The following MADCAM1 variants were observed in gnomAD, a reference collection of about 807,000 sequenced individuals.
MADCAM1 encodes mucosal vascular addressin cell adhesion molecule 1.
In MADCAM1, 19 loss-of-function variants were observed where a neutral mutation model predicts 26.1. That is an observed-to-expected ratio of 0.73 (90% CI 0.51 to 1.07). MADCAM1 has a LOEUF of 1.07. MADCAM1 is among the 50% of genes least tolerant of loss of function. The pLI is 0.00. For missense variants in MADCAM1, 514 were observed against 542.1 expected, an observed-to-expected ratio of 0.95 and a Z score of 0.51; for synonymous variants, 268 against 260.9, an observed-to-expected ratio of 1.03 and a Z score of -0.26.
chr19:499,711 C>G, intron 3 of MADCAM1: 4 of 424,698 alleles, frequency 9.4e-6, no homozygotes, highest in South Asian at 6.7e-5. Context: ...ACGGCTGTGT[C>G]CACAGAAGCT....
chr19:497,825 C>A lies in MADCAM1; in HGVS notation c.53-8C>A. On this transcript the variant is annotated splice_polypyrimidine_tract_variant and splice_region_variant and intron_variant, in intron 1 of 4. Coordinates refer to ENST00000215637, the MANE Select transcript of MADCAM1 (RefSeq NM_130760.3). ...CGCGGGGCTGAGCGAGAGCCGCGGT[C>A]GCCGCAGGCCAGTCCCTCCAGGTGA... 2 of 1,271,024 alleles carry A rather than the reference C, an allele frequency of 1.6e-6. No homozygotes were observed. Among genetic ancestry groups the A allele is most frequent in the South Asian group, 5.5e-5 (2 of 36,428 alleles). 78.7% of individuals were successfully genotyped at this position (1,271,024 alleles called of 1,614,324 possible).
chr19:500,524 G>A (rs1356232111), intron 3 of MADCAM1, among the ~76,000 whole-genome samples: 1 of 152,110 alleles, frequency 6.6e-6, no homozygotes, highest in African/African-American at 2.4e-5. Context: ...GAGGTCAGGA[G>A]TTCAAGACCA....
At position 496,527 on chromosome 19, in the gene MADCAM1, G is replaced by A. The variant is rs767023684; in HGVS notation, c.28G>A (p.Ala10Thr). 1 of 1,308,524 alleles carries A rather than the reference G, an allele frequency of 7.6e-7. No homozygotes were observed. Among genetic ancestry groups the A allele is most frequent in the Admixed American group, 3.1e-5 (1 of 32,204 alleles). 81.1% of individuals were successfully genotyped at this position (1,308,524 alleles called of 1,614,324 possible). A position where few individuals can be genotyped will look rare whatever the true frequency, so the allele number is the denominator to read the frequency against. The change falls in exon 1 of 5, where the codon GCG becomes ACG. Residue 10 changes from alanine (A) to threonine (T), a missense_variant. Transcript: ENST00000215637. ...GGATTTCGGACTGGCCCTCCTGCTG[G>A]CGGGGCTTCTGGGGCTCCTCCTCGG... is the stretch of plus-strand genomic sequence containing the variant. MDFGLALLL[A>T]GLLGLLLGQS...
chr19:503,986 C>T lies in MADCAM1; in HGVS notation c.929-759C>T, dbSNP rs147933428. Among the ~76,000 whole-genome samples the T allele has an allele frequency of 6.9e-3, 1,033 of 150,112 alleles. 11 individuals carry two copies. Among genetic ancestry groups the T allele is most frequent in the African/African-American group, 0.024 (961 of 40,798 alleles). ...AGGAGAATCACTTGAACCCGGGAGG[C>T]GGAAGTGGCAGTGAGCTAAGATCAC... On this transcript the variant is annotated intron_variant, in intron 4 of 4. Coordinates refer to ENST00000215637, the MANE Select transcript of MADCAM1 (RefSeq NM_130760.3).
intron 4 of MADCAM1, among the ~76,000 whole-genome samples, chr19:502,492 C>T (rs938233145): frequency 2.6e-5 from 4 of 151,836 alleles, no homozygotes; most frequent in South Asian, 2.1e-4. Flanking sequence ...AGTAGAGATG[C>T]GGTTTCACCA....
chr19:497,251 G>T (rs1357568675), intron 1 of MADCAM1, among the ~76,000 whole-genome samples: 1 of 35,922 alleles, frequency 2.8e-5, no homozygotes. Context: ...CGCGGGAGAG[G>T]GGAGGGGGTT....
At chr19:500,205 G>A (rs778555150) in intron 3 of MADCAM1, 12 of 456,196 alleles carry the variant, frequency 2.6e-5, no homozygotes, top group South Asian at 3.1e-5. Flanking sequence ...GGACCCACTC[G>A]CTCTCAGGGC....
chr19:499,829 T>C, intron 3 of MADCAM1: 2 of 456,426 alleles, frequency 4.4e-6, no homozygotes, highest in South Asian at 1.5e-5. Context: ...TCACGCTCTG[T>C]CCAATCCCGA....
At chr19:498,368 T>C in intron 2 of MADCAM1, 128 bp from the exon 3 acceptor site, 1 of 1,059,450 alleles carries the variant, frequency 9.4e-7, no homozygotes, top group Non-Finnish European at 1.2e-6. Context: ...AGGCCGTCCC[T>C]ACTGCCTGTT....
In MADCAM1 at chr19:498,833, C is replaced by G. The variant is rs185702232; in HGVS notation, c.667+8C>G. Reference sequence around the variant, plus strand: ...ACCGCCAGGCCATCCCCGGTGAGTCCGCTGGGTGCCCTGGAGACCCACCCG... The same window carrying G: ...ACCGCCAGGCCATCCCCGGTGAGTCGGCTGGGTGCCCTGGAGACCCACCCG... On this transcript the variant is annotated splice_region_variant and intron_variant, in intron 3 of 4. Transcript: ENST00000215637. 1.6e-6 allele frequency: 2 copies of G among 1,257,284 alleles called. No homozygotes were observed. The highest frequency in any genetic ancestry group is 3.3e-5 in the African/African-American group (2 of 60,020). The allele number at this position is 1,257,284 out of a possible 1,614,324, so 77.9% of individuals were successfully genotyped here. A position where few individuals can be genotyped will look rare whatever the true frequency, so the allele number is the denominator to read the frequency against.
In MADCAM1 at chr19:497,951, G is replaced by C; in HGVS notation, c.171G>C (p.Ser57=). 6.9e-7 allele frequency: 1 copy of C among 1,440,998 alleles called. No homozygotes were observed. The highest frequency in any genetic ancestry group is 9.1e-7 in the Non-Finnish European group (1 of 1,102,966). The allele number at this position is 1,440,998 out of a possible 1,614,324, so 89.3% of individuals were successfully genotyped here. ...TGGCCTGCGCGGACCGCGGGGCCTCGGTGCAGTGGCGGGGCCTGGACACCA... is the reference window on the plus strand; with the variant it reads ...TGGCCTGCGCGGACCGCGGGGCCTCCGTGCAGTGGCGGGGCCTGGACACCA... The part of the protein sequence containing the change: ...CRLACADRGA[S]VQWRGLDTSL... Residue 57 remains serine (S), a synonymous_variant, in exon 2 of 5, where the codon TCG becomes TCC. Transcript: ENST00000215637.
chr19:501,541 C>A, intron 3 of MADCAM1, 128 bp from the exon 4 acceptor site: 2 of 523,434 alleles, frequency 3.8e-6, no homozygotes, highest in Non-Finnish European at 6.3e-6. Context: ...TGTGACTCAC[C>A]AGAGTGGTCC....
intron 3 of MADCAM1, chr19:499,411 C>G (rs1419663658): frequency 4.5e-6 from 2 of 448,578 alleles, no homozygotes; most frequent in Non-Finnish European, 9.0e-6. Flanking sequence ...CAAGCACACA[C>G]ATGTACAAAC....
intron 3 of MADCAM1, among the ~76,000 whole-genome samples, chr19:501,372 C>T (rs1050768356): frequency 4.6e-5 from 7 of 150,836 alleles, no homozygotes; most frequent in Non-Finnish European, 1.0e-4. Flanking sequence ...GTGATCCCAG[C>T]TACTCCAGAG....
chr19:503,537 C>T (rs1242351861), intron 4 of MADCAM1, among the ~76,000 whole-genome samples: 1 of 148,636 alleles, frequency 6.7e-6, no homozygotes, highest in East Asian at 2.0e-4. Flanking sequence ...GCCGAGATCG[C>T]GCCACTGCAC....
In MADCAM1 at chr19:498,687, G is replaced by T. The variant is rs1378787256; in HGVS notation, c.529G>T (p.Gly177Trp). 6.9e-7 allele frequency: 1 copy of T among 1,448,882 alleles called. No homozygotes were observed. Among genetic ancestry groups the T allele is most frequent in the East Asian group, 2.6e-5 (1 of 38,842 alleles). The allele number at this position is 1,448,882 out of a possible 1,614,324, so 89.8% of individuals were successfully genotyped here. ...EVQEEEEEPQ[G>W]DEDVLFRVTE... is the part of the protein sequence containing the mutation. ...GCAGGAGGAGGAGGAGGAGCCCCAG[G>T]GGGACGAGGACGTGCTGTTCAGGGT... Residue 177 changes from glycine (G) to tryptophan (W), a missense_variant, in exon 3 of 5, where the codon GGG becomes TGG. Coordinates refer to ENST00000215637, the MANE Select transcript of MADCAM1 (RefSeq NM_130760.3).
At chr19:504,288 G>T in intron 4 of MADCAM1, among the ~76,000 whole-genome samples, 1 of 116,126 alleles carries the variant, frequency 8.6e-6, no homozygotes. Context: ...TTGAGAGACA[G>T]AGTCTCATTC....
chr19:502,066 C>A, intron 4 of MADCAM1, 137 bp downstream of exon 4: 1 of 1,015,086 alleles, frequency 9.9e-7, no homozygotes, highest in Non-Finnish European at 1.4e-6. Context: ...TCCCCGTCTG[C>A]CCAGCCTCGG....
intron 3 of MADCAM1, 115 bp downstream of exon 3, chr19:498,940 G>T: frequency 1.5e-6 from 2 of 1,348,260 alleles, no homozygotes; most frequent in South Asian, 1.3e-5. Flanking sequence ...TGGGAGGACT[G>T]GATTCCCCCA....
Sources: allele counts gnomAD v4.1 joint callset (sites outside exome capture counted in the v4.1 genomes callset), GRCh38; gene constraint gnomAD v4.1.1; transcripts MANE v1.5; gene names NCBI Gene and HGNC (gene_info 2026-07-23, HGNC 2026-07-21).